Variants in ACSBG1 observed in about 807,000 individuals in gnomAD.
ACSBG1 encodes long-chain-fatty-acid--CoA ligase ACSBG1.
A neutral mutation model predicts 80.2 loss-of-function variants in ACSBG1; 39 were observed. That is an observed-to-expected ratio of 0.49 (90% CI 0.38 to 0.64). The LOEUF (loss-of-function observed/expected upper bound fraction) is 0.64, where lower values mean the gene tolerates loss of function less well. Ranked by LOEUF, ACSBG1 falls within the 30% of genes least tolerant of loss-of-function variation. The pLI, the probability that ACSBG1 is intolerant of heterozygous loss-of-function variation, is 0.00. For missense variants in ACSBG1, 828 were observed against 966.4 expected (o/e 0.86, Z 1.90); for synonymous variants, 392 against 379.5 (o/e 1.03, Z -0.38).
intron 5 of ACSBG1, among the ~76,000 whole-genome samples, chr15:78,184,945 C>T (rs1264860292): frequency 6.6e-6 from 1 of 151,874 alleles, no homozygotes; most frequent in Non-Finnish European, 1.5e-5. Context: ...TGGGGTGAGC[C>T]TCTAAGTGTG....
At chr15:78,202,736 C>A (rs560414647) in intron 2 of ACSBG1, among the ~76,000 whole-genome samples, 51 of 152,290 alleles carry the variant, frequency 3.3e-4, no homozygotes, top group African/African-American at 1.2e-3. Context: ...TTGTTGGGGG[C>A]AACTGGCAAT....
Position 78,182,561 on chromosome 15 carries a change from T to C in ACSBG1, c.799A>G (p.Ile267Val). Reference sequence around the variant, plus strand: ...TGGTTGGGCTGCTGGGTGTCAATGATGGCGTCCAGGGCTTCCTCAGGCACT... The same window carrying C: ...TGGTTGGGCTGCTGGGTGTCAATGACGGCGTCCAGGGCTTCCTCAGGCACT... ...NEVPEEALDA[I>V]IDTQQPNQCC... Residue 267 changes from isoleucine (I) to valine (V), a missense_variant, in exon 7 of 14, where the codon ATC becomes GTC. This residue lies in a region of ACSBG1 where 356 missense variants were observed against 363.5 expected (regional missense o/e 0.98). Coordinates refer to ENST00000258873, the MANE Select transcript of ACSBG1 (RefSeq NM_015162.5). The C allele has an allele frequency of 6.2e-7, 1 of 1,614,148 alleles. No individual in the cohort carries two copies. The highest frequency in any genetic ancestry group is 8.5e-7 in the Non-Finnish European group (1 of 1,179,994).
At chr15:78,182,998 G>A in intron 5 of ACSBG1, 1 of 594,088 alleles carries the variant, frequency 1.7e-6, no homozygotes, top group Non-Finnish European at 3.0e-6. Context: ...GGGGACTGGG[G>A]ATGACTCCCC....
At chr15:78,200,789 G>A (rs2075160103) in intron 2 of ACSBG1, among the ~76,000 whole-genome samples, 2 of 152,158 alleles carry the variant, frequency 1.3e-5, no homozygotes, top group Non-Finnish European at 2.9e-5. Context: ...CCACACTCCT[G>A]AGACTCCCAG....
intron 8 of ACSBG1, 79 bp downstream of exon 8, chr15:78,181,890 T>G: frequency 1.3e-6 from 2 of 1,528,238 alleles, no homozygotes; most frequent in Non-Finnish European, 1.8e-6. Context: ...CACACACAAA[T>G]GCACTCAGGG....
rs2075474186 is a variant in ACSBG1, at chr15:78,234,238, T to G, written c.131+133A>C. On this transcript the variant is annotated intron_variant, in intron 1 of 13. Coordinates refer to ENST00000258873, the MANE Select transcript of ACSBG1 (RefSeq NM_015162.5). ...TCTTCCATCTTACGGATCGCCCAGATCCTTCCCTTCATTTCCCAGGTGAAG... is the reference window on the plus strand; with the variant it reads ...TCTTCCATCTTACGGATCGCCCAGAGCCTTCCCTTCATTTCCCAGGTGAAG... The G allele has an allele frequency of 3.1e-6, 4 of 1,300,024 alleles. No individual in the cohort carries two copies. In the East Asian group the frequency reaches 9.4e-5, roughly 30 times the overall value. The allele number at this position is 1,300,024 out of a possible 1,614,324, so 80.5% of individuals were successfully genotyped here.
rs752161423 is a variant in ACSBG1, at chr15:78,209,175, C to G, written c.132-1073G>C. On this transcript the variant is annotated intron_variant, in intron 1 of 13. Coordinates refer to ENST00000258873, the MANE Select transcript of ACSBG1 (RefSeq NM_015162.5). ...TCTCACATTCAGCCTCACTCCTTGT[C>G]GGCACTGCAGGTTCCGAACAAAACT... 1.8e-5 allele frequency: 8 copies of G among 455,970 alleles called. No individual in the cohort carries two copies. In the East Asian group the frequency reaches 4.9e-4, roughly 28 times the overall value. The allele number at this position is 455,970 out of a possible 1,614,324, so 28.2% of individuals were successfully genotyped here.
chr15:78,205,449 C>A (rs759394804), intron 2 of ACSBG1, among the ~76,000 whole-genome samples: 3 of 152,126 alleles, frequency 2.0e-5, no homozygotes, highest in South Asian at 2.1e-4. Context: ...GAGGCAGGGG[C>A]TGGCCAGACT....
intron 1 of ACSBG1, 103 bp downstream of exon 1, chr15:78,234,268 T>C: frequency 1.4e-6 from 2 of 1,470,940 alleles, no homozygotes; most frequent in Non-Finnish European, 1.8e-6. Flanking sequence ...GTGAAGAAAC[T>C]GAGGCTCAGA....
chr15:78,168,708 G>C lies in ACSBG1; in HGVS notation c.*2736C>G. 2.7e-6 allele frequency: 1 copy of C among 376,488 alleles called. No homozygotes were observed. The highest frequency in any genetic ancestry group is 3.9e-5 in the East Asian group (1 of 25,760). The allele number at this position is 376,488 out of a possible 1,614,324, so 23.3% of individuals were successfully genotyped here. The stretch of plus-strand genomic sequence containing the variant: ...TTGCATCAAGAGCACCTTATTCTTT[G>C]CAGAGTGCTGTTGTATACACTATGA... On this transcript the variant is annotated 3_prime_UTR_variant, in exon 14 of 14. Transcript: ENST00000258873.
intron 7 of ACSBG1, 118 bp from the exon 8 acceptor site, chr15:78,182,263 G>T (rs2074954322): frequency 7.1e-7 from 1 of 1,402,340 alleles, no homozygotes; most frequent in Non-Finnish European, 9.5e-7. Context: ...GATTCTGCAG[G>T]CTCTGAAAAC....
chr15:78,209,214 C>T (rs1470665126), intron 1 of ACSBG1: 2 of 456,090 alleles, frequency 4.4e-6, no homozygotes, highest in South Asian at 3.1e-5. Context: ...TTTGTGAACA[C>T]ACCTAGGCCC....
intron 2 of ACSBG1, among the ~76,000 whole-genome samples, chr15:78,199,547 C>T (rs535317544): frequency 5.3e-5 from 8 of 151,754 alleles, no homozygotes; most frequent in African/African-American, 1.9e-4. Flanking sequence ...CTTATCTCTA[C>T]AAAAATTTAT....
At chr15:78,234,284 A>T in intron 1 of ACSBG1, 87 bp downstream of exon 1, 1 of 1,523,492 alleles carries the variant, frequency 6.6e-7, no homozygotes, top group Non-Finnish European at 8.8e-7. Context: ...TCAGAGAGAG[A>T]AGCAGCTTGC....
At chr15:78,193,482 A>T (rs2075076708) in intron 5 of ACSBG1, 24 bp downstream of exon 5, 2 of 1,594,736 alleles carry the variant, frequency 1.3e-6, no homozygotes, top group South Asian at 2.3e-5. Flanking sequence ...ATCTGACCCC[A>T]TGCCCACTGC....
At chr15:78,198,140 A>C (rs974112308) in intron 2 of ACSBG1, among the ~76,000 whole-genome samples, 4 of 150,476 alleles carry the variant, frequency 2.7e-5, no homozygotes, top group Admixed American at 6.6e-5. Context: ...GGGTTCAAGC[A>C]ATTCTTCTGT....
chr15:78,212,916 T>C (rs1383585362), intron 1 of ACSBG1, among the ~76,000 whole-genome samples: 1 of 152,174 alleles, frequency 6.6e-6, no homozygotes. Context: ...CTTGGGGCTG[T>C]GGTCTCCATT....
chr15:78,199,914 G>A (rs992294923), intron 2 of ACSBG1, among the ~76,000 whole-genome samples: 6 of 152,128 alleles, frequency 3.9e-5, no homozygotes, highest in African/African-American at 9.7e-5. Context: ...GTGTGGCTGC[G>A]TTGTACTCCA....
At chr15:78,206,919 G>A (rs573874327) in intron 2 of ACSBG1, among the ~76,000 whole-genome samples, 242 of 152,290 alleles carry the variant, frequency 1.6e-3, no homozygotes, top group African/African-American at 5.6e-3. Context: ...GAATGCCTGT[G>A]CCATCACTCA....
Sources: gnomAD v4.1 joint callset for allele counts (sites outside exome capture counted in the v4.1 genomes callset) on GRCh38, gnomAD v4.1.1 for gene constraint, gnomAD v4.1.1 regional missense constraint, MANE v1.5 for transcripts, NCBI Gene and HGNC (gene_info 2026-07-23, HGNC 2026-07-21) for gene names.